Variants in DACH2 observed in about 807,000 individuals in gnomAD.
The protein encoded by DACH2 is dachshund homolog 2.
In DACH2, 17 loss-of-function variants were observed where a neutral mutation model predicts 35.8. The ratio of observed to expected loss-of-function variants is 0.48; its 90% CI spans 0.33 to 0.71. DACH2 has a LOEUF of 0.71. DACH2 is among the 30% of genes least tolerant of loss of function. The pLI is 0.02. For missense variants in DACH2, 469 were observed against 472.7 expected (o/e 0.99, Z 0.07); for synonymous variants, 195 against 177.3 (o/e 1.10, Z -0.79).
chrX:86,464,545 G>A (rs1292239986), intron 2 of DACH2, among the ~76,000 whole-genome samples: 4 of 110,918 alleles, frequency 3.6e-5, no homozygotes, highest in Non-Finnish European at 7.5e-5. Context: ...GGGAGGAAAA[G>A]CATTAGTACA....
chrX:86,318,401 G>T (rs1000770944), intron 1 of DACH2, among the ~76,000 whole-genome samples: 2 of 111,243 alleles, frequency 1.8e-5, no homozygotes, highest in Non-Finnish European at 3.8e-5. Flanking sequence ...TTCCACAGAT[G>T]ATTATAAACT....
intron 2 of DACH2, among the ~76,000 whole-genome samples, chrX:86,431,850 C>T (rs2036990206): frequency 9.0e-6 from 1 of 111,224 alleles, no homozygotes. Flanking sequence ...TTAAACAAAT[C>T]ATAAGGTTGA....
chrX:86,798,542 C>G (rs1362494556), intron 7 of DACH2: 1 of 113,531 alleles, frequency 8.8e-6, no homozygotes, highest in African/African-American at 3.2e-5. Context: ...CTTTACATTT[C>G]TATATTTGTC....
At chrX:86,432,908 G>C (rs1391363352) in intron 2 of DACH2, among the ~76,000 whole-genome samples, 1 of 111,871 alleles carries the variant, frequency 8.9e-6, no homozygotes, top group African/African-American at 3.2e-5. Context: ...TGGAGAATTG[G>C]AGACAATCAG....
At chrX:86,711,459 G>A (rs939443185) in intron 5 of DACH2, among the ~76,000 whole-genome samples, 6 of 111,684 alleles carry the variant, frequency 5.4e-5, no homozygotes, top group South Asian at 3.7e-4. Flanking sequence ...CATAATGTCC[G>A]CGAAGTCAAT....
chrX:86,546,414 CTTCT>C (rs1419556300), intron 3 of DACH2, among the ~76,000 whole-genome samples: 2 of 86,364 alleles, frequency 2.3e-5, no homozygotes, highest in Non-Finnish European at 4.4e-5. Flanking sequence ...CCTTCTTCTT[CTTCT>C]TTCTTCTTCT....
chrX:86,667,271 A>AAG (rs1286039819), intron 4 of DACH2, among the ~76,000 whole-genome samples: 1 of 77,789 alleles, frequency 1.3e-5, no homozygotes, highest in South Asian at 8.7e-4. Context: ...GAGAGAGAGA[A>AAG]AGAGAGAGAG....
intron 3 of DACH2, among the ~76,000 whole-genome samples, chrX:86,633,041 A>G (rs746370022): frequency 4.5e-4 from 50 of 110,757 alleles, no homozygotes; most frequent in African/African-American, 1.6e-3. Context: ...AAAGAAGAGC[A>G]AACCAAACTC....
chrX:86,810,468 A>G (rs774253585), intron 7 of DACH2, among the ~76,000 whole-genome samples: 26 of 112,047 alleles, frequency 2.3e-4, no homozygotes, highest in Non-Finnish European at 4.1e-4. Context: ...ATTTTATAAT[A>G]GTAGCTTTTC....
chrX:86,747,699 A>T (rs765832287), intron 7 of DACH2, among the ~76,000 whole-genome samples: 1 of 111,902 alleles, frequency 8.9e-6, no homozygotes, highest in East Asian at 2.8e-4. Context: ...CCTTGCCTTG[A>T]TGTTGATGGC....
At chrX:86,297,043 G>GTGTATATATATATA (rs1411917050) in intron 1 of DACH2, among the ~76,000 whole-genome samples, 6 of 89,950 alleles carry the variant, frequency 6.7e-5, no homozygotes, top group East Asian at 3.5e-4. Flanking sequence ...ATATAATTGT[G>GTGTATATATATATA]TATATATATA....
chrX:86,341,837 A>G (rs945658680), intron 1 of DACH2, among the ~76,000 whole-genome samples: 1 of 112,083 alleles, frequency 8.9e-6, no homozygotes, highest in African/African-American at 3.2e-5. Context: ...AACTGCAGAC[A>G]TGGTAGAAAG....
intron 7 of DACH2, among the ~76,000 whole-genome samples, chrX:86,760,881 G>T (rs2041873615): frequency 9.1e-6 from 1 of 109,866 alleles, no homozygotes; most frequent in African/African-American, 3.3e-5. Context: ...CTTTCTTAAT[G>T]GAGGACTTTT....
At chrX:86,487,716 T>C (rs1029246257) in intron 2 of DACH2, among the ~76,000 whole-genome samples, 9 of 112,134 alleles carry the variant, frequency 8.0e-5, no homozygotes, top group African/African-American at 2.9e-4. Context: ...AATAATACGG[T>C]GTTTAATTAA....
chrX:86,328,777 T>C (rs748539842), intron 1 of DACH2, among the ~76,000 whole-genome samples: 61 of 111,641 alleles, frequency 5.5e-4, no homozygotes, highest in African/African-American at 1.9e-3. Flanking sequence ...ATAAGCCTTT[T>C]TTCTTGCCCC....
chrX:86,832,030 A>T (rs941320167), intron 11 of DACH2, 76 bp from the exon 12 acceptor site: 1 of 678,202 alleles, frequency 1.5e-6, no homozygotes, highest in African/African-American at 2.2e-5. Context: ...GTTCCTGAAG[A>T]TAGAAGTTTT....
At chrX:86,429,820 C>T (rs1055520342) in intron 2 of DACH2, among the ~76,000 whole-genome samples, 3 of 112,008 alleles carry the variant, frequency 2.7e-5, no homozygotes, top group African/African-American at 6.5e-5. Flanking sequence ...GCCTCAGCCT[C>T]CCAAAGTGCC....
At chrX:86,662,450 T>G (rs1749490250) in intron 4 of DACH2, among the ~76,000 whole-genome samples, 1 of 110,794 alleles carries the variant, frequency 9.0e-6, no homozygotes, top group Admixed American at 9.6e-5. Flanking sequence ...ATACAAAAAA[T>G]TAGCCGGGCG....
intron 1 of DACH2, among the ~76,000 whole-genome samples, chrX:86,295,273 C>A (rs994687926): frequency 1.8e-5 from 2 of 112,190 alleles, no homozygotes; most frequent in African/African-American, 3.2e-5. Flanking sequence ...CGCCCTGCTT[C>A]GGCTCGCGCA....
Sources: gnomAD v4.1 joint callset for allele counts (sites outside exome capture counted in the v4.1 genomes callset) on GRCh38, gnomAD v4.1.1 for gene constraint, MANE v1.5 for transcripts, NCBI Gene and HGNC (gene_info 2026-07-23, HGNC 2026-07-21) for gene names.